TG: variants seen among roughly 807,000 people sequenced by gnomAD.
The protein encoded by TG is thyroid hormones.
In TG, 270 loss-of-function variants were observed where a neutral mutation model predicts 324.7. The ratio of observed to expected loss-of-function variants is 0.83; its 90% CI spans 0.75 to 0.92. The LOEUF is 0.92. Among genes scored for constraint, TG ranks in the 40% least tolerant of loss-of-function variants. The probability of loss-of-function intolerance (pLI) is 0.00; values close to 1 mark genes in which losing one functional copy is unlikely to be tolerated. For synonymous variants in TG, 1,401 were observed against 1,327.0 expected (o/e 1.06, Z -1.21); for missense variants, 3,591 against 3,456.4 (o/e 1.04, Z -0.98).
In TG at chr8:133,071,223, A is replaced by G. The variant is rs1435206932; in HGVS notation, c.7240-23821A>G. Among the ~76,000 whole-genome samples the G allele has an allele frequency of 4.6e-5, 7 of 152,212 alleles. No individual in the cohort carries two copies. The South Asian group carries it at 1.2e-3, about 27-fold the overall frequency. ...TACATGTACTCTCCACTTGACCTCC[A>G]CAACTCTCTGGAGTATGCATCATTA... is the stretch of plus-strand genomic sequence containing the variant. On this transcript the variant is annotated intron_variant, in intron 41 of 47. Coordinates refer to ENST00000220616, the MANE Select transcript of TG (RefSeq NM_003235.5).
chr8:133,002,575 C>A, intron 35 of TG: 2 of 285,746 alleles, frequency 7.0e-6, no homozygotes, highest in Non-Finnish European at 1.1e-5. Flanking sequence ...TTTTTACAGT[C>A]TGATGTCTTA....
At chr8:133,045,687 G>A (rs911601896) in intron 41 of TG, among the ~76,000 whole-genome samples, 1 of 152,086 alleles carries the variant, frequency 6.6e-6, no homozygotes, top group African/African-American at 2.4e-5. Context: ...GAGCTACCAT[G>A]CCGGGCCTCA....
intron 41 of TG, among the ~76,000 whole-genome samples, chr8:133,085,988 G>A (rs547054436): frequency 1.3e-5 from 2 of 152,330 alleles, no homozygotes; most frequent in Admixed American, 1.3e-4. Context: ...ACCAGCCAAT[G>A]AGTAGGTAAG....
intron 10 of TG, among the ~76,000 whole-genome samples, chr8:132,893,360 T>A (rs1816583695): frequency 7.0e-6 from 1 of 142,892 alleles, no homozygotes; most frequent in African/African-American, 2.6e-5. Context: ...GTGTGTGGTG[T>A]GTCTGTGGTG....
At chr8:133,134,640 T>G in intron 47 of TG, 36 bp from the exon 48 acceptor site, 1 of 1,584,258 alleles carries the variant, frequency 6.3e-7, no homozygotes, top group South Asian at 1.1e-5. Flanking sequence ...AGTCCTAATC[T>G]GGCTTGGACC....
intron 28 of TG, 79 bp from the exon 29 acceptor site, chr8:132,962,915 T>C (rs1827968710): frequency 2.9e-6 from 4 of 1,360,050 alleles, no homozygotes; most frequent in Non-Finnish European, 4.2e-6. Context: ...TTTTCTCACA[T>C]TGCTACTACC....
At chr8:132,919,088 A>G (rs183970819) in intron 20 of TG, among the ~76,000 whole-genome samples, 21 of 152,344 alleles carry the variant, frequency 1.4e-4, no homozygotes, top group African/African-American at 4.8e-4. Flanking sequence ...ACCATGAAAC[A>G]AAGTAAAACA....
intron 35 of TG, among the ~76,000 whole-genome samples, chr8:132,997,353 C>T (rs534617000): frequency 6.6e-6 from 1 of 152,224 alleles, no homozygotes; most frequent in Non-Finnish European, 1.5e-5. Flanking sequence ...CCAGGAAGCA[C>T]CGAATATATA....
In TG at chr8:132,969,540, G is replaced by A. The variant is rs764955517; in HGVS notation, c.5946G>A (p.Val1982=). The A allele has an allele frequency of 3.7e-6, 6 of 1,613,486 alleles. No homozygotes were observed. Among genetic ancestry groups the A allele is most frequent in the Admixed American group, 1.7e-5 (1 of 60,018 alleles). Residue 1982 remains valine (V), a synonymous_variant, in exon 32 of 48, where the codon GTG becomes GTA. Transcript: ENST00000220616. ...KLMGISIRNK[V]PMSEKSISNG... ...TGGGGATATCCATTAGAAATAAAGT[G>A]CCCATGTCTGAAAAATCTATTTCTA...
intron 16 of TG, among the ~76,000 whole-genome samples, chr8:132,904,029 T>G (rs897549344): frequency 2.0e-5 from 3 of 152,328 alleles, no homozygotes; most frequent in South Asian, 4.1e-4. Context: ...TCCAATGTCA[T>G]GTTCATGCAA....
chr8:132,914,535 A>G (rs1820011398), intron 20 of TG, among the ~76,000 whole-genome samples: 1 of 152,214 alleles, frequency 6.6e-6, no homozygotes, highest in Non-Finnish European at 1.5e-5. Context: ...TCTGCAGTTC[A>G]AGTGCACCTG....
Position 132,868,209 on chromosome 8 carries a change from G to C in TG, c.162G>C (p.Glu54Asp), listed in dbSNP as rs1404981492. ...CAGACTACGTGCCCCAGTGTGCAGA[G>C]GATGGCAGCTTCCAGTAAGGCTTAT... ...KQADYVPQCA[E>D]DGSFQTVQCQ... Residue 54 changes from glutamate (E) to aspartate (D), a missense_variant, in exon 2 of 48, where the codon GAG (glutamate) becomes GAC (aspartate). Coordinates refer to ENST00000220616, the MANE Select transcript of TG (RefSeq NM_003235.5). The C allele has an allele frequency of 4.3e-6, 7 of 1,614,000 alleles. No individual in the cohort carries two copies. In the African/African-American group the frequency reaches 9.3e-5, roughly 22 times the overall value.
intron 38 of TG, 144 bp downstream of exon 38, chr8:133,018,141 T>C: frequency 1.2e-6 from 1 of 849,256 alleles, no homozygotes. Context: ...TAAGATATCA[T>C]TAAGTGCTGT....
chr8:132,970,574 G>T (rs530224475), intron 32 of TG, among the ~76,000 whole-genome samples: 1 of 152,248 alleles, frequency 6.6e-6, no homozygotes, highest in Admixed American at 6.5e-5. Flanking sequence ...GAATCATGTT[G>T]CTGGTGCTTA....
chr8:132,897,296 T>C lies in TG; in HGVS notation c.3002-353T>C, dbSNP rs538990708. Among the ~76,000 whole-genome samples the C allele has an allele frequency of 5.1e-4, 77 of 152,336 alleles. 1 individual carries two copies. Among genetic ancestry groups the C allele is most frequent in the Middle Eastern group, 3.4e-3 (1 of 294 alleles). ...GATTAAATTAATTAAGGTATGTATTTAGCTAGTGCCTCACACATAACATAT... is the reference window on the plus strand; with the variant it reads ...GATTAAATTAATTAAGGTATGTATTCAGCTAGTGCCTCACACATAACATAT... On this transcript the variant is annotated intron_variant, in intron 11 of 47. Coordinates refer to ENST00000220616, the MANE Select transcript of TG (RefSeq NM_003235.5).
At chr8:133,120,374 T>C (rs527532923) in intron 45 of TG, among the ~76,000 whole-genome samples, 3 of 152,256 alleles carry the variant, frequency 2.0e-5, no homozygotes, top group African/African-American at 7.2e-5. Context: ...GCTTGGGCCC[T>C]ACCTGGATCA....
At chr8:132,869,903 G>T in intron 3 of TG, 77 bp downstream of exon 3, 8 of 1,342,492 alleles carry the variant, frequency 6.0e-6, no homozygotes, top group Non-Finnish European at 8.4e-6. Context: ...ACTGGGTTTG[G>T]GTGGGTGACT....
chr8:133,043,540 C>T (rs749962550), intron 41 of TG, among the ~76,000 whole-genome samples: 13 of 152,296 alleles, frequency 8.5e-5, no homozygotes, highest in East Asian at 3.9e-4. Flanking sequence ...ACTACATGAA[C>T]GATTGTGTTT....
intron 35 of TG, among the ~76,000 whole-genome samples, chr8:132,999,813 G>T (rs771573893): frequency 1.3e-5 from 2 of 152,164 alleles, no homozygotes; most frequent in Admixed American, 6.5e-5. Flanking sequence ...TGAGCAGAAG[G>T]TCACTGATCC....
Sources: allele counts gnomAD v4.1 joint callset (sites outside exome capture counted in the v4.1 genomes callset), GRCh38; gene constraint gnomAD v4.1.1; transcripts MANE v1.5; gene names NCBI Gene and HGNC (gene_info 2026-07-23, HGNC 2026-07-21).